The following ETS1 variants were observed in gnomAD, a reference collection of about 807,000 sequenced individuals.
The protein encoded by ETS1 is ETS proto-oncogene 1, transcription factor.
ETS1 carries 15 observed loss-of-function variants against 58.6 expected under a neutral mutation model. The observed-to-expected ratio is 0.26, with a 90% CI of 0.17 to 0.39. The LOEUF (loss-of-function observed/expected upper bound fraction) is 0.39, where lower values mean the gene tolerates loss of function less well. Among genes scored for constraint, ETS1 ranks in the 10% least tolerant of loss-of-function variants. The pLI, the probability that ETS1 is intolerant of heterozygous loss-of-function variation, is 1.00. For synonymous variants in ETS1, 214 were observed against 218.2 expected, an observed-to-expected ratio of 0.98 and a Z score of 0.17; for missense variants, 417 against 610.5, an observed-to-expected ratio of 0.68 and a Z score of 3.34.
intron 7 of ETS1, 79 bp from the exon 8 acceptor site, chr11:128,480,530 A>T: frequency 4.2e-6 from 4 of 961,942 alleles, no homozygotes; most frequent in Non-Finnish European, 6.5e-6. Context: ...AAACCCTCTT[A>T]TGGAGGACAG....
intron 3 of ETS1, chr11:128,522,207 C>T (rs897889682): frequency 8.1e-6 from 10 of 1,234,536 alleles, no homozygotes; most frequent in Admixed American, 4.4e-5. Context: ...GCGAAGTGAG[C>T]GCGCTCGGGT....
chr11:128,467,834 G>T (rs1862078884), intron 8 of ETS1, among the ~76,000 whole-genome samples: 1 of 152,000 alleles, frequency 6.6e-6, no homozygotes, highest in Non-Finnish European at 1.5e-5. Context: ...ACAACAGAGG[G>T]GTCCCTGTTA....
intron 3 of ETS1, chr11:128,522,151 C>T (rs932576934): frequency 7.6e-7 from 1 of 1,315,464 alleles, no homozygotes; most frequent in Non-Finnish European, 9.7e-7. Context: ...TCCCCCGCGC[C>T]CGGACGGTGC....
rs768148563 is a variant in ETS1, at chr11:128,462,586, A to G, written c.1243-10T>C. The G allele has an allele frequency of 6.2e-7, 1 of 1,611,936 alleles. No individual in the cohort carries two copies. The highest frequency in any genetic ancestry group is 8.5e-7 in the Non-Finnish European group (1 of 1,178,246). Reference sequence around the variant, plus strand: ...CCCATCTCCTGGCCACCTGAAATTTAAAAAGAAAAATAAAGGAGGAGTAGG... The same window carrying G: ...CCCATCTCCTGGCCACCTGAAATTTGAAAAGAAAAATAAAGGAGGAGTAGG... On this transcript the variant is annotated splice_polypyrimidine_tract_variant and intron_variant, in intron 9 of 9. Coordinates refer to ENST00000392668, the MANE Select transcript of ETS1 (RefSeq NM_001143820.2).
intron 3 of ETS1, among the ~76,000 whole-genome samples, chr11:128,492,379 T>G (rs1436562968): frequency 1.3e-5 from 2 of 152,232 alleles, no homozygotes; most frequent in African/African-American, 4.8e-5. Flanking sequence ...ACTTTCTCTC[T>G]TGTTTGCTTT....
intron 3 of ETS1, chr11:128,521,775 G>C: frequency 4.8e-6 from 3 of 620,862 alleles, no homozygotes; most frequent in South Asian, 2.2e-5. Flanking sequence ...TCGTCCTCCA[G>C]ATCCAGCTGC....
intron 3 of ETS1, chr11:128,522,199 G>T: frequency 1.6e-6 from 2 of 1,237,632 alleles, no homozygotes. Context: ...ACTTTGCGGC[G>T]AAGTGAGCGC....
At chr11:128,510,060 G>A (rs972887627) in intron 3 of ETS1, among the ~76,000 whole-genome samples, 1 of 152,266 alleles carries the variant, frequency 6.6e-6, no homozygotes, top group Non-Finnish European at 1.5e-5. Context: ...AGAATGTTTG[G>A]TTTCCATTAG....
intron 3 of ETS1, among the ~76,000 whole-genome samples, chr11:128,533,058 C>A (rs1192635058): frequency 6.6e-6 from 1 of 152,198 alleles, no homozygotes; most frequent in Non-Finnish European, 1.5e-5. Flanking sequence ...GCTCCCATCG[C>A]CAATTAGCCG....
intron 3 of ETS1, among the ~76,000 whole-genome samples, chr11:128,551,817 T>C (rs2135553350): frequency 6.6e-6 from 1 of 152,280 alleles, no homozygotes; most frequent in Middle Eastern, 3.4e-3. Context: ...CATATCAGGC[T>C]TGCTAAGTGA....
chr11:128,463,970 C>A lies in ETS1; in HGVS notation c.1124-343G>T. The A allele has an allele frequency of 6.0e-6, 1 of 165,838 alleles. No homozygotes were observed. The highest frequency in any genetic ancestry group is 1.6e-4 in the South Asian group (1 of 6,438). The allele number at this position is 165,838 out of a possible 1,614,324, so 10.3% of individuals were successfully genotyped here. A position where few individuals can be genotyped will look rare whatever the true frequency, so the allele number is the denominator to read the frequency against. ...AAGGCAGCATAATCTTTTACACCTG[C>A]AAAAACTAAGTCATTATTTTTGCCT... On this transcript the variant is annotated intron_variant, in intron 8 of 9. Coordinates refer to ENST00000392668, the MANE Select transcript of ETS1 (RefSeq NM_001143820.2). This position sits in a 1 kb window ranked among gnomAD's most constrained non-coding sequence, Gnocchi z 4.1.
At chr11:128,518,137 A>C (rs1265254388) in intron 3 of ETS1, among the ~76,000 whole-genome samples, 1 of 152,200 alleles carries the variant, frequency 6.6e-6, no homozygotes. Flanking sequence ...CTGTGCCTCC[A>C]ACAGTGAGAG....
chr11:128,549,604 G>A lies in ETS1; in HGVS notation c.214+6687C>T, dbSNP rs373246979. The stretch of plus-strand genomic sequence containing the variant: ...AGGATGTTCGAGAAGCTGCGAGTTC[G>A]AGGGCGGGCCGGCGGAAGGCTTGCC... On this transcript the variant is annotated intron_variant, in intron 3 of 9. Coordinates refer to ENST00000392668, the MANE Select transcript of ETS1 (RefSeq NM_001143820.2). The surrounding 1 kb of genome is among the most constrained non-coding windows in gnomAD (Gnocchi z 4.3). Among the ~76,000 whole-genome samples, 317 of 152,338 alleles carry A rather than the reference G, an allele frequency of 2.1e-3. 2 individuals carry two copies. The highest frequency in any genetic ancestry group is 7.3e-3 in the African/African-American group (303 of 41,570).
chr11:128,505,489 TCTC>T (rs1863204027), intron 3 of ETS1: 1 of 152,230 alleles, frequency 6.6e-6, no homozygotes, highest in South Asian at 2.1e-4. Context: ...ATTTTTTTCT[TCTC>T]CTTCCCAATG....
chr11:128,495,151 G>A (rs929720126), intron 3 of ETS1, among the ~76,000 whole-genome samples: 3 of 152,170 alleles, frequency 2.0e-5, no homozygotes, highest in Admixed American at 2.0e-4. Flanking sequence ...TCAAGGCCCT[G>A]GGAGATCAAG....
intron 2 of ETS1, among the ~76,000 whole-genome samples, chr11:128,566,461 G>C (rs1478803347): frequency 2.0e-5 from 3 of 152,182 alleles, no homozygotes; most frequent in Admixed American, 2.0e-4. Context: ...GAGGAGGTAA[G>C]TAATTTGCCC....
chr11:128,561,701 C>T (rs561145419), intron 2 of ETS1, among the ~76,000 whole-genome samples: 9 of 152,280 alleles, frequency 5.9e-5, no homozygotes, highest in African/African-American at 2.2e-4. Context: ...ACTTAGATTG[C>T]TTATGTTTAT....
At chr11:128,499,279 G>A (rs563702614) in intron 3 of ETS1, among the ~76,000 whole-genome samples, 1 of 152,344 alleles carries the variant, frequency 6.6e-6, no homozygotes, top group South Asian at 2.1e-4. Context: ...AGATCTTGCA[G>A]ATGCTGATGA....
intron 8 of ETS1, among the ~76,000 whole-genome samples, chr11:128,465,738 T>C (rs1862016185): frequency 1.3e-5 from 2 of 152,230 alleles, no homozygotes; most frequent in African/African-American, 2.4e-5. Flanking sequence ...TAATGAGTGC[T>C]ATGCTTGACG....
Sources: allele counts gnomAD v4.1 joint callset (sites outside exome capture counted in the v4.1 genomes callset), GRCh38; gene constraint gnomAD v4.1.1; non-coding constraint Gnocchi (gnomAD v3.1); transcripts MANE v1.5; gene names NCBI Gene and HGNC (gene_info 2026-07-23, HGNC 2026-07-21).